Variants in PRKACB observed in about 807,000 individuals in gnomAD.
PRKACB encodes the protein cAMP-dependent protein kinase catalytic subunit beta.
In PRKACB, 16 loss-of-function variants were observed where a neutral mutation model predicts 51.4. The ratio of observed to expected loss-of-function variants is 0.31; its 90% CI spans 0.21 to 0.47. The LOEUF is 0.47. Ranked by LOEUF, PRKACB falls within the 20% of genes least tolerant of loss-of-function variation. The pLI, the probability that PRKACB is intolerant of heterozygous loss-of-function variation, is 1.00. For missense variants in PRKACB, 309 were observed against 464.5 expected, an observed-to-expected ratio of 0.67 and a Z score of 3.08; for synonymous variants, 147 against 154.4, an observed-to-expected ratio of 0.95 and a Z score of 0.35.
At chr1:84,174,137 G>A (rs192790958) in intron 1 of PRKACB, among the ~76,000 whole-genome samples, 8 of 151,780 alleles carry the variant, frequency 5.3e-5, no homozygotes, top group South Asian at 2.1e-4. Context: ...TCCCTGATTC[G>A]GCATCTGCTT....
At chr1:84,165,080 T>C in intron 1 of PRKACB, 1 of 1,253,878 alleles carries the variant, frequency 8.0e-7, no homozygotes. Flanking sequence ...GGAAAAAATA[T>C]TTTTAAAGGG....
intron 1 of PRKACB, among the ~76,000 whole-genome samples, chr1:84,119,093 C>T (rs1650855877): frequency 2.0e-5 from 3 of 152,114 alleles, no homozygotes. Flanking sequence ...ATTTTTCTCC[C>T]TCTTTCTGTG....
chr1:84,208,343 C>T (rs1160837849), intron 8 of PRKACB, among the ~76,000 whole-genome samples: 1 of 152,186 alleles, frequency 6.6e-6, no homozygotes, highest in African/African-American at 2.4e-5. Flanking sequence ...TTGCTCAATT[C>T]AGAGTGAATT....
At chr1:84,178,976 T>C (rs2100940344) in intron 1 of PRKACB, 2 of 470,252 alleles carry the variant, frequency 4.3e-6, no homozygotes, top group Non-Finnish European at 6.8e-6. Flanking sequence ...TATAGAACAA[T>C]ATTAGAGAAT....
intron 1 of PRKACB, among the ~76,000 whole-genome samples, chr1:84,116,745 G>T (rs1650667576): frequency 6.6e-6 from 1 of 152,060 alleles, no homozygotes; most frequent in Admixed American, 6.6e-5. Flanking sequence ...CTAGGTATAA[G>T]ATCATATCAT....
chr1:84,080,591 T>C (rs1394926539), intron 1 of PRKACB, among the ~76,000 whole-genome samples: 2 of 152,230 alleles, frequency 1.3e-5, no homozygotes, highest in African/African-American at 4.8e-5. Context: ...GGAGCAGTGT[T>C]ATCAGGTATA....
chr1:84,235,537 CT>C lies in PRKACB; in HGVS notation c.*234del, dbSNP rs1327228550. On this transcript the variant is annotated 3_prime_UTR_variant, in exon 10 of 10. Coordinates refer to ENST00000370685, the MANE Select transcript of PRKACB (RefSeq NM_182948.4). Reference sequence around the variant, plus strand: ...AACACAGTACTAGACCACTTTCTTACTTCTCTTTGGGTTGTCTTTCTCCTCT... The same window carrying C: ...AACACAGTACTAGACCACTTTCTTACTCTCTTTGGGTTGTCTTTCTCCTCT... 1 of 432,440 alleles carries C rather than the reference CT, an allele frequency of 2.3e-6. No homozygotes were observed. Among genetic ancestry groups the C allele is most frequent in the Admixed American group, 4.2e-5 (1 of 23,984 alleles). The allele number at this position is 432,440 out of a possible 1,614,324, so 26.8% of individuals were successfully genotyped here.
At chr1:84,078,454 C>T (rs1647260254) in intron 1 of PRKACB, 1 of 1,521,714 alleles carries the variant, frequency 6.6e-7, no homozygotes, top group South Asian at 1.2e-5. Context: ...GCTTCTGAGG[C>T]CGCGGGCACG....
chr1:84,198,091 A>T (rs537275806), intron 7 of PRKACB, among the ~76,000 whole-genome samples: 1 of 152,264 alleles, frequency 6.6e-6, no homozygotes, highest in African/African-American at 2.4e-5. Context: ...CCAAAAACAT[A>T]GTCTTTTCTT....
chr1:84,195,467 A>G lies in PRKACB; in HGVS notation c.561-1149A>G, dbSNP rs1364993032. Among the ~76,000 whole-genome samples, 3 of 152,228 alleles carry G rather than the reference A, an allele frequency of 2.0e-5. No homozygotes were observed. The East Asian group carries it at 5.8e-4, about 29-fold the overall frequency. On this transcript the variant is annotated intron_variant, in intron 5 of 9. Transcript: ENST00000370685. ...AGTTAAGGTTGTTCACTGAGGAAAC[A>G]AATCTGAAAGTCATTGTTATTTATC... is the stretch of plus-strand genomic sequence containing the variant.
chr1:84,084,698 A>G (rs1003144197), intron 1 of PRKACB, among the ~76,000 whole-genome samples: 2 of 152,048 alleles, frequency 1.3e-5, no homozygotes, highest in Admixed American at 6.6e-5. Context: ...GAAAAGGAGG[A>G]TTGGGGATGA....
At chr1:84,229,915 G>A (rs531785077) in intron 9 of PRKACB, among the ~76,000 whole-genome samples, 1 of 151,930 alleles carries the variant, frequency 6.6e-6, no homozygotes, top group South Asian at 2.1e-4. Context: ...TTCTTTTGAT[G>A]TGCAGAAGCT....
Position 84,130,267 on chromosome 1 carries a change from A to G in PRKACB, c.47-48910A>G, listed in dbSNP as rs371187075. 4.6e-5 allele frequency among the ~76,000 whole-genome samples: 7 copies of G among 152,114 alleles called. No individual in the cohort carries two copies. In the East Asian group the frequency reaches 1.2e-3, roughly 25 times the overall value. On this transcript the variant is annotated intron_variant, in intron 1 of 8. Coordinates refer to the PRKACB transcript ENST00000370688. ...CCCTGTAAGGAAATCCCTGGTGACAAGGAAAAAAATCAATGAAATTCCATT... is the reference window on the plus strand; with the variant it reads ...CCCTGTAAGGAAATCCCTGGTGACAGGGAAAAAAATCAATGAAATTCCATT...
intron 9 of PRKACB, among the ~76,000 whole-genome samples, chr1:84,230,089 C>G (rs1032113033): frequency 6.6e-6 from 1 of 151,866 alleles, no homozygotes; most frequent in African/African-American, 2.4e-5. Flanking sequence ...GTCTTTAACC[C>G]ATCTTGAATT....
Position 84,201,759 on chromosome 1 carries a change from G to A in PRKACB, c.784-924G>A, listed in dbSNP as rs1670176869. Among the ~76,000 whole-genome samples the A allele has an allele frequency of 1.3e-5, 2 of 151,946 alleles. 1 individual carries two copies. Among genetic ancestry groups the A allele is most frequent in the South Asian group, 4.2e-4 (2 of 4,810 alleles). ...GAGCAATAGATCTGGGTAGAATTCA[G>A]CTTATTTCTCTTCATGACAGGTTTT... On this transcript the variant is annotated intron_variant, in intron 7 of 9. Coordinates refer to ENST00000370685, the MANE Select transcript of PRKACB (RefSeq NM_182948.4).
intron 1 of PRKACB, 73 bp from the exon 2 acceptor site, chr1:84,179,104 G>C (rs1480579459): frequency 3.5e-6 from 5 of 1,422,988 alleles, no homozygotes; most frequent in Non-Finnish European, 4.8e-6. Flanking sequence ...AAAACCATAT[G>C]CAATATAAAT....
At chr1:84,230,073 G>A (rs564340404) in intron 9 of PRKACB, among the ~76,000 whole-genome samples, 13,221 of 151,620 alleles carry the variant, frequency 0.087, 669 homozygotes, top group Middle Eastern at 0.14. Flanking sequence ...TAGGTCTAAC[G>A]TTTAAGTCTT....
intron 1 of PRKACB, among the ~76,000 whole-genome samples, chr1:84,125,609 G>A (rs902110281): frequency 1.3e-5 from 2 of 152,234 alleles, no homozygotes; most frequent in East Asian, 3.9e-4. Flanking sequence ...GAGAGCCTAC[G>A]ACCTTTGGTA....
chr1:84,146,167 A>T (rs1238624048), intron 1 of PRKACB, among the ~76,000 whole-genome samples: 1 of 151,622 alleles, frequency 6.6e-6, no homozygotes, highest in Admixed American at 6.6e-5. Context: ...TTGTGAAGTC[A>T]AAACAAATAG....
Sources: allele counts gnomAD v4.1 joint callset (sites outside exome capture counted in the v4.1 genomes callset), GRCh38; gene constraint gnomAD v4.1.1; transcripts MANE v1.5; gene names NCBI Gene and HGNC (gene_info 2026-07-23, HGNC 2026-07-21).